ADARB2: variants seen among roughly 807,000 people sequenced by gnomAD.
The protein encoded by ADARB2 is adenosine deaminase RNA specific B2 (inactive).
ADARB2 carries 25 observed loss-of-function variants against 62.2 expected under a neutral mutation model. The observed-to-expected ratio is 0.40, with a 90% CI of 0.29 to 0.56. The LOEUF (loss-of-function observed/expected upper bound fraction) is 0.56, where lower values mean the gene tolerates loss of function less well. ADARB2 is among the 20% of genes least tolerant of loss of function. ADARB2 has a pLI of 0.43. For missense variants in ADARB2, 1,071 were observed against 1,077.4 expected (o/e 0.99, Z 0.08); for synonymous variants, 572 against 500.8 (o/e 1.14, Z -1.90).
At chr10:1,259,269 A>G (rs547178461) in intron 4 of ADARB2, among the ~76,000 whole-genome samples, 116 of 152,354 alleles carry the variant, frequency 7.6e-4, no homozygotes, top group African/African-American at 2.2e-3. Flanking sequence ...CACATTCAAA[A>G]GCTAGCAGAA....
chr10:1,242,019 G>A (rs1830929191), intron 5 of ADARB2, 112 bp downstream of exon 5: 5 of 1,189,222 alleles, frequency 4.2e-6, no homozygotes, highest in East Asian at 2.6e-5. Flanking sequence ...GGCTCACCCT[G>A]TGCCAGGATA....
intron 3 of ADARB2, among the ~76,000 whole-genome samples, chr10:1,339,769 C>T (rs548105243): frequency 2.0e-5 from 3 of 152,206 alleles, no homozygotes; most frequent in Non-Finnish European, 4.4e-5. Context: ...AAACATCCAT[C>T]GATAGCAGGT....
At chr10:1,607,074 C>T (rs370460982) in intron 1 of ADARB2, among the ~76,000 whole-genome samples, 10 of 152,196 alleles carry the variant, frequency 6.6e-5, no homozygotes, top group East Asian at 5.8e-4. Flanking sequence ...ACAATATACA[C>T]GTTTTGAAAT....
intron 1 of ADARB2, among the ~76,000 whole-genome samples, chr10:1,513,387 G>A (rs962070209): frequency 6.6e-6 from 1 of 152,166 alleles, no homozygotes; most frequent in African/African-American, 2.4e-5. Context: ...TCCTGAAGCC[G>A]GCAGCGCCCT....
At chr10:1,369,097 T>C (rs1832342194) in intron 2 of ADARB2, among the ~76,000 whole-genome samples, 1 of 152,218 alleles carries the variant, frequency 6.6e-6, no homozygotes, top group Non-Finnish European at 1.5e-5. Flanking sequence ...ACGCCGACTT[T>C]ACAAATTAAC....
At chr10:1,231,606 G>A (rs952654105) in intron 6 of ADARB2, among the ~76,000 whole-genome samples, 7 of 152,152 alleles carry the variant, frequency 4.6e-5, no homozygotes, top group Non-Finnish European at 8.8e-5. Flanking sequence ...CCCTACTGCA[G>A]GAAGTTCCTT....
intron 1 of ADARB2, among the ~76,000 whole-genome samples, chr10:1,466,481 G>A (rs1310835338): frequency 3.3e-5 from 5 of 152,172 alleles, no homozygotes; most frequent in Non-Finnish European, 5.9e-5. Flanking sequence ...AGGTCCTTGC[G>A]ACGGCCGCAC....
intron 1 of ADARB2, among the ~76,000 whole-genome samples, chr10:1,596,757 T>A (rs1325959094): frequency 6.6e-6 from 1 of 152,092 alleles, no homozygotes; most frequent in Non-Finnish European, 1.5e-5. Flanking sequence ...GGAAGGCCTG[T>A]GGGGTCCGTG....
chr10:1,242,871 AC>A (rs1830940949), intron 4 of ADARB2, among the ~76,000 whole-genome samples: 2 of 152,234 alleles, frequency 1.3e-5, no homozygotes, highest in African/African-American at 2.4e-5. Context: ...CAAAAATGAT[AC>A]TCTCTTCAGG....
intron 7 of ADARB2, among the ~76,000 whole-genome samples, chr10:1,203,634 G>T (rs1837014890): frequency 6.6e-6 from 1 of 152,000 alleles, no homozygotes; most frequent in South Asian, 2.1e-4. Context: ...TGTGACTGGG[G>T]AGTCAGTGCG....
intron 8 of ADARB2, among the ~76,000 whole-genome samples, chr10:1,193,674 G>A (rs1485635759): frequency 6.6e-6 from 1 of 152,180 alleles, no homozygotes; most frequent in African/African-American, 2.4e-5. Flanking sequence ...GTGTTTGTCT[G>A]CAAACGCTGT....
intron 1 of ADARB2, among the ~76,000 whole-genome samples, chr10:1,685,276 G>A (rs984805960): frequency 1.3e-5 from 2 of 152,144 alleles, no homozygotes; most frequent in African/African-American, 4.8e-5. Context: ...AAGAAGGACA[G>A]AGACACAGCG....
chr10:1,619,814 AT>A (rs1223914893), intron 1 of ADARB2, among the ~76,000 whole-genome samples: 3 of 152,206 alleles, frequency 2.0e-5, no homozygotes, highest in East Asian at 1.9e-4. Context: ...TAGAAAAAAA[AT>A]CAATACATTT....
At chr10:1,530,049 G>A (rs1341894644) in intron 1 of ADARB2, among the ~76,000 whole-genome samples, 6 of 151,302 alleles carry the variant, frequency 4.0e-5, no homozygotes, top group Non-Finnish European at 8.9e-5. Flanking sequence ...ATGCCACCAT[G>A]GGCGCCTATC....
intron 1 of ADARB2, among the ~76,000 whole-genome samples, chr10:1,510,130 TTCTTTC>T (rs1564312590): frequency 7.4e-6 from 1 of 135,426 alleles, no homozygotes; most frequent in Non-Finnish European, 1.6e-5. Context: ...CTTTCTTTCT[TTCTTTC>T]TTTCTTTCTT....
intron 3 of ADARB2, among the ~76,000 whole-genome samples, chr10:1,317,296 C>T (rs761285772): frequency 1.3e-5 from 2 of 152,160 alleles, no homozygotes; most frequent in Non-Finnish European, 2.9e-5. Flanking sequence ...AGATAATGTT[C>T]CCTGAGACTT....
intron 1 of ADARB2, among the ~76,000 whole-genome samples, chr10:1,592,195 G>A (rs539191236): frequency 1.7e-4 from 26 of 152,220 alleles, no homozygotes; most frequent in Non-Finnish European, 2.5e-4. Flanking sequence ...AGATGCCCTC[G>A]CAAGTATAAC....
At chr10:1,263,115 AC>A (rs762143499) in intron 4 of ADARB2, among the ~76,000 whole-genome samples, 90 of 120,974 alleles carry the variant, frequency 7.4e-4, no homozygotes, top group Non-Finnish European at 1.2e-3. Flanking sequence ...GGAACATCAC[AC>A]ACCGGGGCCT....
At chr10:1,336,512 A>G (rs539722632) in intron 3 of ADARB2, among the ~76,000 whole-genome samples, 2 of 152,296 alleles carry the variant, frequency 1.3e-5, no homozygotes, top group African/African-American at 2.4e-5. Context: ...TAGGCAGATC[A>G]TCCTGTATTA....
Sources: allele counts gnomAD v4.1 joint callset (sites outside exome capture counted in the v4.1 genomes callset), GRCh38; gene constraint gnomAD v4.1.1; transcripts MANE v1.5; gene names NCBI Gene and HGNC (gene_info 2026-07-23, HGNC 2026-07-21).